The following RAB12 variants were observed in gnomAD, a reference collection of about 807,000 sequenced individuals.
RAB12 encodes ras-related protein Rab-12.
Under a neutral mutation model 28.4 loss-of-function variants are expected in RAB12, and 11 were observed. The ratio of observed to expected loss-of-function variants is 0.39; its 90% CI spans 0.24 to 0.64. The LOEUF (loss-of-function observed/expected upper bound fraction) is 0.64, where lower values mean the gene tolerates loss of function less well. RAB12 is among the 30% of genes least tolerant of loss of function. RAB12 has a pLI of 0.50. For missense variants in RAB12, 276 were observed against 351.1 expected (o/e 0.79, Z 1.71); for synonymous variants, 138 against 145.3 (o/e 0.95, Z 0.36).
intron 2 of RAB12, among the ~76,000 whole-genome samples, chr18:8,626,963 A>G (rs528971026): frequency 6.6e-6 from 1 of 152,350 alleles, no homozygotes; most frequent in African/African-American, 2.4e-5. Flanking sequence ...AGTGACTCAT[A>G]TATCTACTAC....
intron 1 of RAB12, 189 bp downstream of exon 1, chr18:8,610,142 C>T: frequency 2.0e-6 from 1 of 509,752 alleles, no homozygotes; most frequent in South Asian, 2.5e-5. Flanking sequence ...GTTTTCGTGC[C>T]GCCTCCGGGC....
In RAB12 at chr18:8,633,364, T is replaced by C. The variant is rs1567897197; in HGVS notation, c.714+37T>C. 2.5e-6 allele frequency: 4 copies of C among 1,605,928 alleles called. No individual in the cohort carries two copies. The South Asian group carries it at 4.4e-5, about 18-fold the overall frequency. Reference sequence around the variant, plus strand: ...ATTTTTCTGTCCAATGTGAACTCTCTGCTTGTGAGTCTTAATCATTATTAA... The same window carrying C: ...ATTTTTCTGTCCAATGTGAACTCTCCGCTTGTGAGTCTTAATCATTATTAA... On this transcript the variant is annotated intron_variant, in intron 3 of 5. Coordinates refer to ENST00000649141, the MANE Select transcript of RAB12 (RefSeq NM_001025300.3).
At chr18:8,630,066 T>C (rs1438043318) in intron 2 of RAB12, among the ~76,000 whole-genome samples, 1 of 152,230 alleles carries the variant, frequency 6.6e-6, no homozygotes, top group African/African-American at 2.4e-5. Flanking sequence ...ATATAAGATA[T>C]AAACCAAAAA....
At chr18:8,626,049 G>T (rs545739327) in intron 2 of RAB12, among the ~76,000 whole-genome samples, 2 of 152,232 alleles carry the variant, frequency 1.3e-5, no homozygotes, top group South Asian at 2.1e-4. Flanking sequence ...AAGATTTTTT[G>T]ATTTGGGTTT....
At chr18:8,622,214 C>T (rs2096010261) in intron 1 of RAB12, among the ~76,000 whole-genome samples, 1 of 152,202 alleles carries the variant, frequency 6.6e-6, no homozygotes, top group African/African-American at 2.4e-5. Context: ...AAGTCGCAGC[C>T]ACTGCCACAA....
At chr18:8,635,667 G>C (rs369302314) in intron 4 of RAB12, 45 bp downstream of exon 4, 2 of 1,205,128 alleles carry the variant, frequency 1.7e-6, no homozygotes, top group African/African-American at 3.1e-5. Context: ...TGTGCTTAGC[G>C]CTTGAGGTAC....
intron 3 of RAB12, among the ~76,000 whole-genome samples, chr18:8,634,342 T>C (rs2096017716): frequency 6.8e-6 from 1 of 147,740 alleles, no homozygotes; most frequent in Non-Finnish European, 1.5e-5. Context: ...GGTTGCAAGG[T>C]TGGATCAGAC....
intron 5 of RAB12, among the ~76,000 whole-genome samples, chr18:8,637,552 C>T (rs913543217): frequency 1.3e-5 from 2 of 152,032 alleles, no homozygotes; most frequent in African/African-American, 2.4e-5. Flanking sequence ...CTTTAACGAT[C>T]GGAGGACTTT....
chr18:8,631,906 T>A (rs321666), intron 2 of RAB12, among the ~76,000 whole-genome samples: 30,862 of 151,696 alleles, frequency 0.2, 5,732 homozygotes, highest in African/African-American at 0.5. Context: ...GAAAAAAAAA[T>A]TAAAAGTTTT....
At chr18:8,616,051 A>C (rs1232167988) in intron 1 of RAB12, among the ~76,000 whole-genome samples, 1 of 152,206 alleles carries the variant, frequency 6.6e-6, no homozygotes, top group Non-Finnish European at 1.5e-5. Flanking sequence ...GTTCCAAATA[A>C]GCATTAGTTT....
In RAB12 at chr18:8,633,458, A is replaced by T. The variant is rs908987277; in HGVS notation, c.714+131A>T. The T allele has an allele frequency of 3.0e-6, 3 of 992,734 alleles. No individual in the cohort carries two copies. The African/African-American group carries it at 4.9e-5, about 16-fold the overall frequency. The allele number at this position is 992,734 out of a possible 1,614,324, so 61.5% of individuals were successfully genotyped here. On this transcript the variant is annotated intron_variant, in intron 3 of 5. Transcript: ENST00000649141. Reference sequence around the variant, plus strand: ...ACTAAACATCATTTAGCCCATATATAGCCTTCGGGATAGGGATGTAGTCCT... The same window carrying T: ...ACTAAACATCATTTAGCCCATATATTGCCTTCGGGATAGGGATGTAGTCCT...
rs1402187361 is a variant in RAB12 at position 8,614,924 on chromosome 18, G to T, written c.514+4971G>T. On this transcript the variant is annotated intron_variant, in intron 1 of 5. Coordinates refer to ENST00000649141, the MANE Select transcript of RAB12 (RefSeq NM_001025300.3). ...TTATCTTCATTTTTCTCATTGTGCG[G>T]CAGTGCTCTAAACTTCACAGCCTGG... 4.6e-5 allele frequency among the ~76,000 whole-genome samples: 7 copies of T among 152,172 alleles called. No individual in the cohort carries two copies. In the East Asian group the frequency reaches 1.2e-3, roughly 25 times the overall value.
At chr18:8,611,342 G>T (rs2096003663) in intron 1 of RAB12, among the ~76,000 whole-genome samples, 1 of 152,146 alleles carries the variant, frequency 6.6e-6, no homozygotes, top group Non-Finnish European at 1.5e-5. Flanking sequence ...TTATGGCTCC[G>T]TACTTCAGTA....
At position 8,613,844 on chromosome 18, in the gene RAB12, T is replaced by C. The variant is rs531558338; in HGVS notation, c.514+3891T>C. 8.6e-4 allele frequency among the ~76,000 whole-genome samples: 130 copies of C among 151,836 alleles called. No homozygotes were observed. In the Middle Eastern group the frequency reaches 0.01, roughly 12 times the overall value. The stretch of plus-strand genomic sequence containing the variant: ...CTATAAATAGAAGTAGTAGTAGTAG[T>C]AGTAGTAGTAGTAGTAGTAGTAGTG... On this transcript the variant is annotated intron_variant, in intron 1 of 5. Transcript: ENST00000649141.
At chr18:8,624,872 G>T (rs1368146514) in intron 1 of RAB12, 66 bp from the exon 2 acceptor site, 2 of 1,010,320 alleles carry the variant, frequency 2.0e-6, no homozygotes, top group East Asian at 2.4e-5. Flanking sequence ...ACACAAATAG[G>T]ATTATTTTGT....
chr18:8,635,766 C>T (rs2096018551), intron 4 of RAB12, 144 bp downstream of exon 4: 5 of 556,596 alleles, frequency 9.0e-6, no homozygotes, highest in African/African-American at 3.9e-5. Flanking sequence ...AATTTGTTTG[C>T]ACTTTTTTGA....
chr18:8,624,897 CTT>C, intron 1 of RAB12, 39 bp from the exon 2 acceptor site: 1 of 1,242,834 alleles, frequency 8.0e-7, no homozygotes. Context: ...CAAATTGCAT[CTT>C]TGTTGTTTTT....
intron 3 of RAB12, 52 bp downstream of exon 3, chr18:8,633,379 A>G: frequency 6.3e-7 from 1 of 1,593,028 alleles, no homozygotes; most frequent in Non-Finnish European, 8.6e-7. Flanking sequence ...GTGAGTCTTA[A>G]TCATTATTAA....
chr18:8,621,394 G>C (rs1410057883), intron 1 of RAB12, among the ~76,000 whole-genome samples: 1 of 152,220 alleles, frequency 6.6e-6, no homozygotes, highest in East Asian at 1.9e-4. Context: ...ATTGGATTAA[G>C]TTTCCAGTCA....
Sources: allele counts gnomAD v4.1 joint callset (sites outside exome capture counted in the v4.1 genomes callset), GRCh38; gene constraint gnomAD v4.1.1; transcripts MANE v1.5; gene names NCBI Gene and HGNC (gene_info 2026-07-23, HGNC 2026-07-21).